The following C1orf21 variants were observed in gnomAD, a reference collection of about 807,000 sequenced individuals.
The protein encoded by C1orf21 is uncharacterized protein C1orf21.
A neutral mutation model predicts 18.7 loss-of-function variants in C1orf21; 3 were observed. That is an observed-to-expected ratio of 0.16 (90% CI 0.07 to 0.42). C1orf21 has a LOEUF of 0.42. Among genes scored for constraint, C1orf21 ranks in the 10% least tolerant of loss-of-function variants. C1orf21 has a pLI of 0.99. For missense variants in C1orf21, 104 were observed against 143.6 expected, an observed-to-expected ratio of 0.72 and a Z score of 1.41; for synonymous variants, 41 against 46.4, an observed-to-expected ratio of 0.88 and a Z score of 0.47.
intron 1 of C1orf21, among the ~76,000 whole-genome samples, chr1:184,450,281 C>G (rs769183821): frequency 1.2e-4 from 18 of 152,124 alleles, no homozygotes; most frequent in Admixed American, 2.0e-4. Flanking sequence ...CTCAGGAGCC[C>G]TGTGAACCTG....
chr1:184,393,183 G>T (rs1656000053), intron 1 of C1orf21, among the ~76,000 whole-genome samples: 1 of 152,102 alleles, frequency 6.6e-6, no homozygotes, highest in South Asian at 2.1e-4. Flanking sequence ...GTCTGAATGT[G>T]TCTGAATGAG....
intron 1 of C1orf21, among the ~76,000 whole-genome samples, chr1:184,390,821 G>C (rs565878663): frequency 1.3e-5 from 2 of 152,140 alleles, no homozygotes; most frequent in African/African-American, 4.8e-5. Context: ...AAGTCCCGTA[G>C]CATGCAGTAA....
At chr1:184,591,978 CA>C (rs1659445143) in intron 4 of C1orf21, among the ~76,000 whole-genome samples, 1 of 152,030 alleles carries the variant, frequency 6.6e-6, no homozygotes, top group Non-Finnish European at 1.5e-5. Flanking sequence ...CATGTGGTTT[CA>C]TTCATATGAA....
intron 1 of C1orf21, among the ~76,000 whole-genome samples, chr1:184,465,366 T>C (rs1008173857): frequency 6.6e-6 from 1 of 152,194 alleles, no homozygotes; most frequent in Non-Finnish European, 1.5e-5. Context: ...TGTGAGTTTT[T>C]TTCTCTTTCA....
At chr1:184,577,011 G>T (rs540340748) in intron 3 of C1orf21, among the ~76,000 whole-genome samples, 1 of 152,196 alleles carries the variant, frequency 6.6e-6, no homozygotes, top group South Asian at 2.1e-4. Flanking sequence ...TTTTGCATGT[G>T]GGGTGGGTGT....
chr1:184,542,330 A>G (rs1658666148), intron 3 of C1orf21, among the ~76,000 whole-genome samples: 1 of 152,196 alleles, frequency 6.6e-6, no homozygotes, highest in African/African-American at 2.4e-5. Context: ...TTTAGAGATG[A>G]GGAAAACTTA....
chr1:184,540,938 A>G (rs1388579793), intron 3 of C1orf21, among the ~76,000 whole-genome samples: 1 of 152,244 alleles, frequency 6.6e-6, no homozygotes, highest in East Asian at 1.9e-4. Flanking sequence ...TTTGAAAGCC[A>G]GTTCCAAAAA....
rs397982231 is a variant in C1orf21 at position 184,463,082 on chromosome 1, C to CAAAA, written c.-124-14287_-124-14284dup. 5.7e-4 allele frequency among the ~76,000 whole-genome samples: 46 copies of CAAAA among 80,208 alleles called. 2 individuals are homozygous for CAAAA. The highest frequency in any genetic ancestry group is 8.4e-4 in the Non-Finnish European group (33 of 39,280). 52.6% of individuals were successfully genotyped at this position (80,208 alleles called of 152,430 possible). A position where few individuals can be genotyped will look rare whatever the true frequency, so the allele number is the denominator to read the frequency against. On this transcript the variant is annotated intron_variant, in intron 1 of 5. Coordinates refer to ENST00000235307, the MANE Select transcript of C1orf21 (RefSeq NM_030806.4). ...GGGCGACACGAGCAAGACTCCATCTCAAAAAAAAAAAAAAAAAAAAGAAGA... is the reference window on the plus strand; with the variant it reads ...GGGCGACACGAGCAAGACTCCATCTCAAAAAAAAAAAAAAAAAAAAAAAAGAAGA...
intron 3 of C1orf21, among the ~76,000 whole-genome samples, chr1:184,560,529 T>C (rs1658948308): frequency 6.6e-6 from 1 of 152,214 alleles, no homozygotes; most frequent in Non-Finnish European, 1.5e-5. Flanking sequence ...ACTTTTCATT[T>C]CAAATATTAC....
intron 2 of C1orf21, among the ~76,000 whole-genome samples, chr1:184,504,514 G>A (rs577333854): frequency 1.3e-5 from 2 of 152,274 alleles, no homozygotes; most frequent in African/African-American, 4.8e-5. Context: ...TCATTCATTC[G>A]CTCAGAGGCT....
At chr1:184,398,159 T>C (rs1427220410) in intron 1 of C1orf21, among the ~76,000 whole-genome samples, 2 of 152,180 alleles carry the variant, frequency 1.3e-5, no homozygotes, top group Non-Finnish European at 2.9e-5. Flanking sequence ...ACGGCAATAA[T>C]TGACAATAGT....
chr1:184,519,044 A>T lies in C1orf21; in HGVS notation c.189+11362A>T, dbSNP rs559261355. On this transcript the variant is annotated intron_variant, in intron 3 of 5. Transcript: ENST00000235307. Reference sequence around the variant, plus strand: ...AGCTGGGTGTTTTTTTCCTGTCAGCACATTAATTTTTGGTTTACCAATAGT... The same window carrying T: ...AGCTGGGTGTTTTTTTCCTGTCAGCTCATTAATTTTTGGTTTACCAATAGT... Among the ~76,000 whole-genome samples, 96 of 152,160 alleles carry T rather than the reference A, an allele frequency of 6.3e-4. 2 individuals carry two copies. The highest frequency in any genetic ancestry group is 1.5e-4 in the Non-Finnish European group (10 of 68,020).
At chr1:184,408,920 C>T (rs2101960664) in intron 1 of C1orf21, among the ~76,000 whole-genome samples, 1 of 152,238 alleles carries the variant, frequency 6.6e-6, no homozygotes, top group East Asian at 1.9e-4. Context: ...CAATGCTTCC[C>T]CCAGAACATT....
intron 3 of C1orf21, among the ~76,000 whole-genome samples, chr1:184,533,429 A>C (rs890071736): frequency 3.3e-5 from 5 of 152,190 alleles, no homozygotes; most frequent in African/African-American, 1.2e-4. Flanking sequence ...AAATATTTGC[A>C]GGATGAATGA....
At chr1:184,446,968 A>C (rs139353102) in intron 1 of C1orf21, among the ~76,000 whole-genome samples, 1 of 150,798 alleles carries the variant, frequency 6.6e-6, no homozygotes, top group African/African-American at 2.4e-5. Context: ...CTCTACTTTG[A>C]GTATGTTGAA....
chr1:184,430,025 T>A (rs1235814919), intron 1 of C1orf21, among the ~76,000 whole-genome samples: 1 of 146,984 alleles, frequency 6.8e-6, no homozygotes, highest in Non-Finnish European at 1.5e-5. Context: ...GGCAGGAGAA[T>A]GGCGTGAACC....
Position 184,446,539 on chromosome 1 carries a change from G to A in C1orf21, c.-124-30847G>A, listed in dbSNP as rs538384998. ...GAAGAATTAAATGAACATGTTAAAT[G>A]ATACTTCAATGATACAATCAGCAAA... On this transcript the variant is annotated intron_variant, in intron 1 of 5. Coordinates refer to ENST00000235307, the MANE Select transcript of C1orf21 (RefSeq NM_030806.4). Among the ~76,000 whole-genome samples, 13 of 152,182 alleles carry A rather than the reference G, an allele frequency of 8.5e-5. No homozygotes were observed. The South Asian group carries it at 2.7e-3, about 32-fold the overall frequency.
At chr1:184,484,630 T>C (rs1226109533) in intron 2 of C1orf21, among the ~76,000 whole-genome samples, 1 of 152,150 alleles carries the variant, frequency 6.6e-6, no homozygotes, top group Admixed American at 6.5e-5. Context: ...GAACCAGCCC[T>C]CCCATATAAC....
At chr1:184,613,339 C>A (rs962254441) in intron 5 of C1orf21, among the ~76,000 whole-genome samples, 1 of 152,128 alleles carries the variant, frequency 6.6e-6, no homozygotes, top group Admixed American at 6.6e-5. Context: ...TGGAACAAAT[C>A]CCCCATGGAT....
Sources: gnomAD v4.1 joint callset for allele counts (sites outside exome capture counted in the v4.1 genomes callset) on GRCh38, gnomAD v4.1.1 for gene constraint, MANE v1.5 for transcripts, NCBI Gene and HGNC (gene_info 2026-07-23, HGNC 2026-07-21) for gene names.